The following NMNAT2 variants were observed in gnomAD, a reference collection of about 807,000 sequenced individuals.
The protein encoded by NMNAT2 is nicotinamide nucleotide adenylyltransferase 2, also known as nicotinamide/nicotinic acid mononucleotide adenylyltransferase 2.
A neutral mutation model predicts 41.6 loss-of-function variants in NMNAT2; 11 were observed. The observed-to-expected ratio is 0.26, with a 90% CI of 0.17 to 0.44. The LOEUF is 0.44. NMNAT2 is among the 20% of genes least tolerant of loss of function. The probability of loss-of-function intolerance (pLI) is 1.00; values close to 1 mark genes in which losing one functional copy is unlikely to be tolerated. For missense variants in NMNAT2, 288 were observed against 407.7 expected (o/e 0.71, Z 2.53); for synonymous variants, 148 against 151.2 (o/e 0.98, Z 0.16).
At chr1:183,298,888 C>G (rs1661774817) in intron 1 of NMNAT2, among the ~76,000 whole-genome samples, 1 of 152,174 alleles carries the variant, frequency 6.6e-6, no homozygotes, top group Admixed American at 6.5e-5. Flanking sequence ...AAAATCACAA[C>G]AAGATTTGTT....
At chr1:183,400,863 G>A (rs1276669713) in intron 1 of NMNAT2, among the ~76,000 whole-genome samples, 3 of 152,286 alleles carry the variant, frequency 2.0e-5, no homozygotes, top group South Asian at 4.1e-4. Context: ...CTAGCCATAT[G>A]TAGAAAGCTG....
At chr1:183,295,369 G>A (rs997546296) in intron 1 of NMNAT2, among the ~76,000 whole-genome samples, 1 of 152,002 alleles carries the variant, frequency 6.6e-6, no homozygotes, top group Non-Finnish European at 1.5e-5. Flanking sequence ...TTGTAACACC[G>A]TTTTAGATTT....
chr1:183,294,413 A>G (rs1661625592), intron 1 of NMNAT2, among the ~76,000 whole-genome samples: 1 of 152,160 alleles, frequency 6.6e-6, no homozygotes, highest in Admixed American at 6.6e-5. Context: ...GACAAACCCA[A>G]TTTTATTTTC....
At chr1:183,327,386 G>A (rs777574971) in intron 1 of NMNAT2, among the ~76,000 whole-genome samples, 1 of 152,114 alleles carries the variant, frequency 6.6e-6, no homozygotes, top group African/African-American at 2.4e-5. Flanking sequence ...TAACAAAGTG[G>A]AGACAGACAT....
At chr1:183,297,383 C>CTT (rs66514054) in intron 1 of NMNAT2, among the ~76,000 whole-genome samples, 1 of 143,462 alleles carries the variant, frequency 7.0e-6, no homozygotes, top group African/African-American at 2.6e-5. Flanking sequence ...GGAAGGAACC[C>CTT]TTTTTTTTTT....
chr1:183,348,104 GCT>G (rs1469860356), intron 1 of NMNAT2, among the ~76,000 whole-genome samples: 1 of 151,942 alleles, frequency 6.6e-6, no homozygotes, highest in Non-Finnish European at 1.5e-5. Flanking sequence ...AAAATGCCCT[GCT>G]CTTTTATTTT....
chr1:183,259,773 G>C (rs959946975), intron 10 of NMNAT2, among the ~76,000 whole-genome samples: 10 of 152,184 alleles, frequency 6.6e-5, no homozygotes, highest in African/African-American at 2.4e-4. Context: ...CTGATTTTTT[G>C]TATTTTTAGT....
At chr1:183,393,041 C>G (rs183469604) in intron 1 of NMNAT2, among the ~76,000 whole-genome samples, 113 of 152,274 alleles carry the variant, frequency 7.4e-4, no homozygotes, top group African/African-American at 2.6e-3. Flanking sequence ...ACATAGTAGG[C>G]ACTCAAATGG....
chr1:183,283,842 A>G (rs1056721371), intron 7 of NMNAT2, 153 bp downstream of exon 7: 4 of 737,252 alleles, frequency 5.4e-6, no homozygotes, highest in Non-Finnish European at 9.7e-6. Flanking sequence ...CTACGAATGC[A>G]ATCTTAGCCT....
intron 8 of NMNAT2, among the ~76,000 whole-genome samples, chr1:183,263,045 T>C (rs1271545521): frequency 1.3e-5 from 2 of 152,226 alleles, no homozygotes; most frequent in African/African-American, 4.8e-5. Flanking sequence ...ATTTACTGGT[T>C]TTGTGTGTGT....
At chr1:183,341,044 G>A (rs1402125520) in intron 1 of NMNAT2, among the ~76,000 whole-genome samples, 1 of 152,224 alleles carries the variant, frequency 6.6e-6, no homozygotes, top group Non-Finnish European at 1.5e-5. Context: ...CTGACAGCCT[G>A]GGCGACTTGC....
intron 8 of NMNAT2, among the ~76,000 whole-genome samples, chr1:183,278,240 G>T (rs1407017460): frequency 6.6e-6 from 1 of 152,256 alleles, no homozygotes; most frequent in East Asian, 1.9e-4. Flanking sequence ...AAAGGGCAAA[G>T]ATTTTTTTTT....
At chr1:183,375,216 C>T (rs1278170224) in intron 1 of NMNAT2, among the ~76,000 whole-genome samples, 1 of 152,186 alleles carries the variant, frequency 6.6e-6, no homozygotes, top group Non-Finnish European at 1.5e-5. Flanking sequence ...CCATTAGCTA[C>T]TAAAATAAAT....
At chr1:183,320,787 G>A (rs1475616813) in intron 1 of NMNAT2, among the ~76,000 whole-genome samples, 1 of 152,134 alleles carries the variant, frequency 6.6e-6, no homozygotes, top group Non-Finnish European at 1.5e-5. Flanking sequence ...AAGAAACTAG[G>A]AGCCAAGCAG....
At chr1:183,277,015 T>G (rs1002784624) in intron 8 of NMNAT2, among the ~76,000 whole-genome samples, 2 of 152,168 alleles carry the variant, frequency 1.3e-5, no homozygotes, top group African/African-American at 2.4e-5. Context: ...TAGCTTTGTG[T>G]GTATCTGTGT....
At chr1:183,351,065 A>G (rs1663037020) in intron 1 of NMNAT2, among the ~76,000 whole-genome samples, 1 of 152,214 alleles carries the variant, frequency 6.6e-6, no homozygotes, top group Non-Finnish European at 1.5e-5. Flanking sequence ...ATCGTCATTC[A>G]GCATCTCTAT....
chr1:183,289,568 C>T (rs1177920904), intron 4 of NMNAT2, among the ~76,000 whole-genome samples: 1 of 152,218 alleles, frequency 6.6e-6, no homozygotes, highest in Non-Finnish European at 1.5e-5. Context: ...CTTTTACCCA[C>T]TAATAAAACA....
chr1:183,318,639 C>G (rs1303067768), intron 1 of NMNAT2, among the ~76,000 whole-genome samples: 1 of 152,170 alleles, frequency 6.6e-6, no homozygotes, highest in Non-Finnish European at 1.5e-5. Flanking sequence ...ACCCTGCTCT[C>G]CCTGGGAAAA....
chr1:183,278,806 C>A, intron 7 of NMNAT2, 177 bp from the exon 8 acceptor site: 1 of 581,488 alleles, frequency 1.7e-6, no homozygotes, highest in Non-Finnish European at 3.2e-6. Flanking sequence ...CTGCTCACCT[C>A]TTCCTCGGGC....
Sources: allele counts gnomAD v4.1 joint callset (sites outside exome capture counted in the v4.1 genomes callset), GRCh38; gene constraint gnomAD v4.1.1; transcripts MANE v1.5; gene names NCBI Gene and HGNC (gene_info 2026-07-23, HGNC 2026-07-21).